Variants in GNA12 observed in about 807,000 individuals in gnomAD.
GNA12 encodes the protein G protein subunit alpha 12, also known as guanine nucleotide-binding protein subunit alpha-12.
In GNA12, 9 loss-of-function variants were observed where a neutral mutation model predicts 26.0. The observed-to-expected ratio is 0.35, with a 90% CI of 0.21 to 0.60. The LOEUF (loss-of-function observed/expected upper bound fraction) is 0.60, where lower values mean the gene tolerates loss of function less well. Ranked by LOEUF, GNA12 falls within the 20% of genes least tolerant of loss-of-function variation. The pLI, the probability that GNA12 is intolerant of heterozygous loss-of-function variation, is 0.78. For synonymous variants in GNA12, 264 were observed against 219.6 expected, an observed-to-expected ratio of 1.20 and a Z score of -1.79; for missense variants, 405 against 525.8, an observed-to-expected ratio of 0.77 and a Z score of 2.25.
intron 2 of GNA12, among the ~76,000 whole-genome samples, chr7:2,768,469 ACT>A (rs979320057): frequency 2.0e-5 from 3 of 152,156 alleles, no homozygotes; most frequent in Non-Finnish European, 4.4e-5. Context: ...GCATTCGAGG[ACT>A]GCGTGAAATG....
Position 2,833,200 on chromosome 7 carries a change from G to A in GNA12, c.309+10653C>T, listed in dbSNP as rs953225621. ...TAATAGTTACGGCATGAAATGAGCC[G>A]GCCTGTCATCATGGGATGGCACTGC... is the stretch of plus-strand genomic sequence containing the variant. On this transcript the variant is annotated intron_variant, in intron 1 of 3. Coordinates refer to ENST00000275364, the MANE Select transcript of GNA12 (RefSeq NM_007353.3). 3.3e-5 allele frequency among the ~76,000 whole-genome samples: 5 copies of A among 152,140 alleles called. No individual in the cohort carries two copies. The East Asian group carries it at 5.8e-4, about 18-fold the overall frequency.
chr7:2,788,048 G>A (rs1202371377), intron 2 of GNA12, among the ~76,000 whole-genome samples: 3 of 152,072 alleles, frequency 2.0e-5, no homozygotes, highest in South Asian at 2.1e-4. Flanking sequence ...CCAGCTGCTC[G>A]TGGGAGGCTG....
At chr7:2,815,380 T>C (rs78127241) in intron 1 of GNA12, 10,715 of 180,568 alleles carry the variant, frequency 0.059, 458 homozygotes, top group South Asian at 0.11. Context: ...ACGAAGACCC[T>C]GAGCTTCGCA....
At position 2,728,494 on chromosome 7, in the gene GNA12, A is replaced by C. The variant is rs1372634570; in HGVS notation, c.*2687T>G. ...TTTCTCTACGAACATAAGAGTTAAA[A>C]ATAGATTTCAGTAAAACCCTATATG... On this transcript the variant is annotated 3_prime_UTR_variant, in exon 4 of 4. Transcript: ENST00000275364. 3 of 152,422 alleles carry C rather than the reference A, an allele frequency of 2.0e-5. No individual in the cohort carries two copies. The highest frequency in any genetic ancestry group is 7.2e-5 in the African/African-American group (3 of 41,440). 9.4% of individuals were successfully genotyped at this position (152,422 alleles called of 1,614,324 possible).
chr7:2,772,387 C>T (rs1279108646), intron 2 of GNA12, among the ~76,000 whole-genome samples: 3 of 152,048 alleles, frequency 2.0e-5, no homozygotes, highest in Admixed American at 6.6e-5. Flanking sequence ...TGGTGAAACC[C>T]GTCTCTACTA....
intron 2 of GNA12, chr7:2,775,505 C>T (rs754458106): frequency 1.3e-5 from 2 of 152,256 alleles, no homozygotes; most frequent in Middle Eastern, 3.4e-3. Flanking sequence ...GGAGGAACGT[C>T]GTGCCCAGTG....
At chr7:2,785,701 A>C (rs551157934) in intron 2 of GNA12, among the ~76,000 whole-genome samples, 53 of 150,664 alleles carry the variant, frequency 3.5e-4, no homozygotes, top group Non-Finnish European at 6.3e-4. Context: ...ATGTGCATAC[A>C]CACACACATT....
chr7:2,774,984 TC>T (rs1792041691), intron 2 of GNA12, among the ~76,000 whole-genome samples: 1 of 152,196 alleles, frequency 6.6e-6, no homozygotes, highest in African/African-American at 2.4e-5. Flanking sequence ...CGACATCCCT[TC>T]CCAATTTGGT....
intron 2 of GNA12, among the ~76,000 whole-genome samples, chr7:2,757,634 T>C (rs1791366500): frequency 6.6e-6 from 1 of 152,206 alleles, no homozygotes; most frequent in African/African-American, 2.4e-5. Context: ...CCAAGCACAT[T>C]GGGAGATCAT....
chr7:2,760,710 C>CCTGT (rs1791513322), intron 2 of GNA12, among the ~76,000 whole-genome samples: 1 of 152,240 alleles, frequency 6.6e-6, no homozygotes, highest in Non-Finnish European at 1.5e-5. Context: ...CTTCTACAGG[C>CCTGT]AGCTTATCCA....
At chr7:2,793,339 G>GAAGCAGCGGACAGGACGCGAGAGT (rs1312926204) in intron 2 of GNA12, among the ~76,000 whole-genome samples, 1 of 151,458 alleles carries the variant, frequency 6.6e-6, no homozygotes. Context: ...GACGCGAGAG[G>GAAGCAGCGGACAGGACGCGAGAGT]AAGCAGCGGA....
intron 2 of GNA12, among the ~76,000 whole-genome samples, chr7:2,791,416 C>T (rs1292593239): frequency 3.9e-5 from 6 of 152,332 alleles, no homozygotes; most frequent in East Asian, 1.9e-4. Flanking sequence ...TCCCCCACCC[C>T]GGCCCACCCT....
chr7:2,819,991 G>A (rs898722972), intron 1 of GNA12, among the ~76,000 whole-genome samples: 3 of 152,264 alleles, frequency 2.0e-5, no homozygotes, highest in African/African-American at 7.2e-5. Context: ...ACTGACTGAG[G>A]CACGGATAAA....
chr7:2,802,993 C>T lies in GNA12; in HGVS notation c.310-7850G>A, dbSNP rs184198109. On this transcript the variant is annotated intron_variant, in intron 1 of 3. Coordinates refer to ENST00000275364, the MANE Select transcript of GNA12 (RefSeq NM_007353.3). ...CTTCCGCAACAAATGCACTGCCGTACGGGATCAGGCCTATTATTTCTCTAA... is the reference window on the plus strand; with the variant it reads ...CTTCCGCAACAAATGCACTGCCGTATGGGATCAGGCCTATTATTTCTCTAA... 1.2e-3 allele frequency among the ~76,000 whole-genome samples: 188 copies of T among 152,310 alleles called. 1 individual carries two copies. The highest frequency in any genetic ancestry group is 3.8e-3 in the African/African-American group (157 of 41,542).
At chr7:2,829,608 T>C (rs1383871718) in intron 1 of GNA12, among the ~76,000 whole-genome samples, 1 of 152,242 alleles carries the variant, frequency 6.6e-6, no homozygotes, top group Non-Finnish European at 1.5e-5. Context: ...ATCTATATAC[T>C]TATTATTCTT....
chr7:2,786,002 G>C (rs1792350733), intron 2 of GNA12, among the ~76,000 whole-genome samples: 2 of 152,368 alleles, frequency 1.3e-5, no homozygotes, highest in African/African-American at 4.8e-5. Flanking sequence ...AGGAGGTGAA[G>C]GTTGCAGTGA....
intron 1 of GNA12, among the ~76,000 whole-genome samples, chr7:2,832,487 T>G (rs181975473): frequency 6.6e-6 from 1 of 152,156 alleles, no homozygotes; most frequent in Non-Finnish European, 1.5e-5. Context: ...CCATGCACCA[T>G]CACTGGAACG....
intron 2 of GNA12, among the ~76,000 whole-genome samples, chr7:2,788,852 C>T (rs1044983459): frequency 8.5e-5 from 13 of 152,146 alleles, no homozygotes; most frequent in Non-Finnish European, 1.5e-5. Flanking sequence ...TTGTTGCACA[C>T]ACACGTTGCA....
chr7:2,815,730 C>T (rs1793204218), intron 1 of GNA12, among the ~76,000 whole-genome samples: 2 of 152,218 alleles, frequency 1.3e-5, no homozygotes, highest in African/African-American at 2.4e-5. Flanking sequence ...CGTGTGGCCC[C>T]GTGTGCTGTG....
Sources: allele counts gnomAD v4.1 joint callset (sites outside exome capture counted in the v4.1 genomes callset), GRCh38; gene constraint gnomAD v4.1.1; transcripts MANE v1.5; gene names NCBI Gene and HGNC (gene_info 2026-07-23, HGNC 2026-07-21).